Variants in MAP6 observed in about 807,000 individuals in gnomAD.
MAP6 encodes the protein microtubule-associated protein 6.
In MAP6, 26 loss-of-function variants were observed where a neutral mutation model predicts 42.4. The ratio of observed to expected loss-of-function variants is 0.61; its 90% CI spans 0.45 to 0.85. The LOEUF is 0.85. Ranked by LOEUF, MAP6 falls within the 40% of genes least tolerant of loss-of-function variation. The pLI is 0.00. For synonymous variants in MAP6, 418 were observed against 443.8 expected (o/e 0.94, Z 0.73); for missense variants, 966 against 1,099.0 (o/e 0.88, Z 1.71).
At chr11:75,597,097 ACT>A (rs1942591893) in intron 3 of MAP6, 1 of 152,182 alleles carries the variant, frequency 6.6e-6, no homozygotes, top group Admixed American at 6.5e-5. Flanking sequence ...ACACCTGCAG[ACT>A]CTAACCTTAC....
chr11:75,631,673 C>A (rs1943286090), intron 1 of MAP6, among the ~76,000 whole-genome samples: 1 of 152,198 alleles, frequency 6.6e-6, no homozygotes, highest in Non-Finnish European at 1.5e-5. Flanking sequence ...CAAATCTCAA[C>A]ATGAGACCAG....
chr11:75,587,843 G>A lies in MAP6; in HGVS notation c.1658C>T (p.Ser553Phe), dbSNP rs767396006. 3.0e-5 allele frequency: 49 copies of A among 1,614,080 alleles called. No homozygotes were observed. The highest frequency in any genetic ancestry group is 1.4e-5 in the Non-Finnish European group (17 of 1,180,038). ...MVPAKVKDQG[S>F]VVPESLKDQG... ...ATCCTTTAGAGACTCTGGTACCACAGAGCCTTGATCCTTAACTTTTGCTGG... is the reference window on the plus strand; with the variant it reads ...ATCCTTTAGAGACTCTGGTACCACAAAGCCTTGATCCTTAACTTTTGCTGG... The change falls in exon 4 of 4, where the codon TCT becomes TTT. Residue 553 changes from serine (S) to phenylalanine (F), a missense_variant. Around this residue, in one of 2 missense-constraint regions of MAP6, gnomAD observed 943 missense variants for 1,049.9 expected, o/e 0.90. Coordinates refer to ENST00000304771, the MANE Select transcript of MAP6 (RefSeq NM_033063.2).
intron 1 of MAP6, among the ~76,000 whole-genome samples, chr11:75,654,184 T>G (rs1943697607): frequency 6.6e-6 from 1 of 152,206 alleles, no homozygotes; most frequent in African/African-American, 2.4e-5. Context: ...TAACTTGCTC[T>G]AAATCATATA....
intron 1 of MAP6, among the ~76,000 whole-genome samples, chr11:75,618,693 G>A (rs932908917): frequency 6.6e-6 from 1 of 152,118 alleles, no homozygotes; most frequent in African/African-American, 2.4e-5. Flanking sequence ...CACACCACCG[G>A]GTACTGAGAG....
intron 1 of MAP6, among the ~76,000 whole-genome samples, chr11:75,634,750 C>T (rs61895131): frequency 6.6e-5 from 10 of 152,186 alleles, no homozygotes; most frequent in Admixed American, 3.9e-4. Context: ...AAACCATGCA[C>T]GGGTTAAGAG....
intron 1 of MAP6, among the ~76,000 whole-genome samples, chr11:75,612,026 G>A (rs1051463736): frequency 6.6e-6 from 1 of 152,248 alleles, no homozygotes; most frequent in African/African-American, 2.4e-5. Flanking sequence ...CCTGTGCAGG[G>A]CCTGGCCTGC....
At chr11:75,654,863 T>C (rs1026861876) in intron 1 of MAP6, among the ~76,000 whole-genome samples, 2 of 152,272 alleles carry the variant, frequency 1.3e-5, no homozygotes, top group East Asian at 3.9e-4. Context: ...TTAAGATGCA[T>C]GATTCAAACC....
chr11:75,644,218 T>G (rs1034364608), intron 1 of MAP6, among the ~76,000 whole-genome samples: 2 of 152,096 alleles, frequency 1.3e-5, no homozygotes, highest in African/African-American at 2.4e-5. Context: ...AAAGGGCACA[T>G]GATCTAGGGA....
At chr11:75,601,989 GGTCTCA>G (rs1942671438) in intron 3 of MAP6, among the ~76,000 whole-genome samples, 1 of 151,730 alleles carries the variant, frequency 6.6e-6, no homozygotes, top group Non-Finnish European at 1.5e-5. Flanking sequence ...TCAGAGGCGG[GGTCTCA>G]GTCATCCTGG....
chr11:75,615,373 C>T (rs571710544), intron 1 of MAP6, among the ~76,000 whole-genome samples: 3 of 152,286 alleles, frequency 2.0e-5, no homozygotes, highest in South Asian at 2.1e-4. Context: ...TTGAAGAGGA[C>T]CTGGACATTC....
In MAP6 at chr11:75,646,822, G is replaced by A. The variant is rs571957704; in HGVS notation, c.905+20643C>T. Among the ~76,000 whole-genome samples, 3 of 152,154 alleles carry A rather than the reference G, an allele frequency of 2.0e-5. No individual in the cohort carries two copies. In the South Asian group the frequency reaches 6.2e-4, roughly 32 times the overall value. ...TCTCAAAAAAAAGAAGCAATGGTGAGTAAAATATTAGTAGATATGGGGGCA... is the reference window on the plus strand; with the variant it reads ...TCTCAAAAAAAAGAAGCAATGGTGAATAAAATATTAGTAGATATGGGGGCA... On this transcript the variant is annotated intron_variant, in intron 1 of 3. Transcript: ENST00000304771.
rs532185961 is a variant in MAP6 at position 75,604,830 on chromosome 11, C to T, written c.1316+978G>A. 111 of 985,504 alleles carry T rather than the reference C, an allele frequency of 1.1e-4. No individual in the cohort carries two copies. The East Asian group carries it at 3.9e-3, about 34-fold the overall frequency. 61.0% of individuals were successfully genotyped at this position (985,504 alleles called of 1,614,324 possible). ...TTCTCCCTGACCTGAGGCCTGGCAC[C>T]GCTGCCCTCTCTGAGGAGCAGACCA... On this transcript the variant is annotated intron_variant, in intron 3 of 3. Transcript: ENST00000304771.
At chr11:75,626,587 G>T (rs1284586828) in intron 1 of MAP6, among the ~76,000 whole-genome samples, 4 of 152,158 alleles carry the variant, frequency 2.6e-5, no homozygotes, top group Non-Finnish European at 4.4e-5. Flanking sequence ...TGTCACTTCT[G>T]CTAATAAATT....
At chr11:75,663,950 C>T (rs1943899918) in intron 1 of MAP6, among the ~76,000 whole-genome samples, 1 of 152,216 alleles carries the variant, frequency 6.6e-6, no homozygotes. Flanking sequence ...CAGCTGGTTT[C>T]TTCTAGGAAA....
At chr11:75,588,279 C>G in intron 3 of MAP6, 95 bp from the exon 4 acceptor site, 1 of 1,172,060 alleles carries the variant, frequency 8.5e-7, no homozygotes. Context: ...CCTAGTGGAG[C>G]CTGGGCCGGG....
chr11:75,633,900 GAGC>G (rs1206595907), intron 1 of MAP6, among the ~76,000 whole-genome samples: 7 of 152,184 alleles, frequency 4.6e-5, no homozygotes, highest in Non-Finnish European at 1.0e-4. Context: ...GTGCGATGGG[GAGC>G]GGCTGGAGGA....
chr11:75,626,890 T>C (rs1943206923), intron 1 of MAP6, among the ~76,000 whole-genome samples: 2 of 152,204 alleles, frequency 1.3e-5, no homozygotes, highest in South Asian at 4.1e-4. Context: ...AGTCATTTGA[T>C]ATCAGAGGTG....
chr11:75,615,575 C>A (rs961185252), intron 1 of MAP6, among the ~76,000 whole-genome samples: 2 of 152,036 alleles, frequency 1.3e-5, no homozygotes, highest in African/African-American at 4.8e-5. Flanking sequence ...GGGGAGAGAT[C>A]AACAATTACA....
rs1454118015 is a variant in MAP6 at position 75,667,757 on chromosome 11, G to C, written c.613C>G (p.Pro205Ala). The C allele has an allele frequency of 2.3e-6, 3 of 1,311,184 alleles. No individual in the cohort carries two copies. Among genetic ancestry groups the C allele is most frequent in the Non-Finnish European group, 2.9e-6 (3 of 1,031,268 alleles). 81.2% of individuals were successfully genotyped at this position (1,311,184 alleles called of 1,614,324 possible). ...KRRPQSQERW[P>A]VQAAAEAREQ... ...CGGGCCTCAGCGGCGGCCTGCACTG[G>C]CCAGCGCTCCTGGCTCTGCGGCCGG... Residue 205 changes from proline to alanine, a missense_variant, in exon 1 of 4, where the codon CCA (proline) becomes GCA (alanine). This residue lies in a region of MAP6 where 943 missense variants were observed against 1,049.9 expected (regional missense o/e 0.90). Coordinates refer to ENST00000304771, the MANE Select transcript of MAP6 (RefSeq NM_033063.2). This position sits in a 1 kb window ranked among gnomAD's most constrained non-coding sequence, Gnocchi z 5.6.
Sources: gnomAD v4.1 joint callset for allele counts (sites outside exome capture counted in the v4.1 genomes callset) on GRCh38, gnomAD v4.1.1 for gene constraint, gnomAD v4.1.1 regional missense constraint, Gnocchi (gnomAD v3.1) non-coding constraint, MANE v1.5 for transcripts, NCBI Gene and HGNC (gene_info 2026-07-23, HGNC 2026-07-21) for gene names.